PIK3AP1: variants seen among roughly 807,000 people sequenced by gnomAD.
PIK3AP1 encodes the protein phosphoinositide-3-kinase adaptor protein 1.
PIK3AP1 carries 21 observed loss-of-function variants against 88.1 expected under a neutral mutation model. The ratio of observed to expected loss-of-function variants is 0.24; its 90% confidence interval spans 0.17 to 0.34. The LOEUF (loss-of-function observed/expected upper bound fraction) is 0.34. PIK3AP1 is among the 10% of genes least tolerant of loss of function. The probability of loss-of-function intolerance (pLI) is 1.00; values close to 1 mark genes in which losing one functional copy is unlikely to be tolerated. For missense variants in PIK3AP1, 828 were observed against 1,035.7 expected, an observed-to-expected ratio of 0.80 and a Z score of 2.75; for synonymous variants, 398 against 400.0, an observed-to-expected ratio of 1.00 and a Z score of 0.06.
chr10:96,649,592 C>T (rs547811271), intron 6 of PIK3AP1, among the ~76,000 whole-genome samples: 1 of 152,318 alleles, frequency 6.6e-6, no homozygotes, highest in East Asian at 1.9e-4. Context: ...GCCCTTATTC[C>T]TAATTTCATG....
rs190345565 is a variant in PIK3AP1, at chr10:96,633,177, A to G, written c.1376-4684T>C. ...AGCCCAAAGAATGCTGTCCCTTTCA[A>G]GTATTTCTAGTTCCTGTACAGATCC... is the stretch of plus-strand genomic sequence containing the variant. On this transcript the variant is annotated intron_variant, in intron 8 of 16. Transcript: ENST00000339364. 1.6e-4 allele frequency: 189 copies of G among 1,199,668 alleles called. 3 individuals carry two copies. In the East Asian group the frequency reaches 4.9e-3, roughly 31 times the overall value. The allele number at this position is 1,199,668 out of a possible 1,614,324, so 74.3% of individuals were successfully genotyped here.
At position 96,720,248 on chromosome 10, in the gene PIK3AP1, G is replaced by A. The variant is rs1054197996; in HGVS notation, c.13+134C>T. 9 of 931,454 alleles carry A rather than the reference G, an allele frequency of 9.7e-6. No individual in the cohort carries two copies. The highest frequency in any genetic ancestry group is 6.8e-5 in the East Asian group (2 of 29,518). 57.7% of individuals were successfully genotyped at this position (931,454 alleles called of 1,614,324 possible). A position where few individuals can be genotyped will look rare whatever the true frequency, so the allele number is the denominator to read the frequency against. On this transcript the variant is annotated intron_variant, in intron 1 of 16. Coordinates refer to ENST00000339364, the MANE Select transcript of PIK3AP1 (RefSeq NM_152309.3). The surrounding 1 kb of genome is among the most constrained non-coding windows in gnomAD (Gnocchi z 4.6). ...TGGGAAGTTTGCGACAGGGAACATA[G>A]AAAAGAGCAGAAAGAGGGCAAGATC...
intron 2 of PIK3AP1, among the ~76,000 whole-genome samples, chr10:96,685,838 T>G (rs1163564850): frequency 6.6e-6 from 1 of 152,156 alleles, no homozygotes; most frequent in Admixed American, 6.5e-5. Context: ...TGTGTGCCCA[T>G]CCCTGCTGAG....
chr10:96,711,738 A>ATTTT (rs1564992486), intron 1 of PIK3AP1, among the ~76,000 whole-genome samples: 1 of 93,978 alleles, frequency 1.1e-5, no homozygotes, highest in East Asian at 3.2e-4. Context: ...GAGATTACCA[A>ATTTT]ATTTTTTTTT....
chr10:96,701,036 A>G, intron 2 of PIK3AP1: 1 of 232,392 alleles, frequency 4.3e-6, no homozygotes, highest in South Asian at 1.6e-4. Flanking sequence ...CCAGGCATGG[A>G]GCAAAGCTCA....
At chr10:96,635,643 G>A (rs1843302188) in intron 8 of PIK3AP1, among the ~76,000 whole-genome samples, 1 of 152,182 alleles carries the variant, frequency 6.6e-6, no homozygotes, top group African/African-American at 2.4e-5. Flanking sequence ...GCTGACTCAT[G>A]TCTGTAATCC....
At chr10:96,644,149 A>G (rs977421663) in intron 8 of PIK3AP1, among the ~76,000 whole-genome samples, 4 of 152,164 alleles carry the variant, frequency 2.6e-5, no homozygotes, top group Admixed American at 6.5e-5. Flanking sequence ...TGGAAAATCT[A>G]TGAGGGTATT....
At chr10:96,616,505 G>A in intron 13 of PIK3AP1, 134 bp downstream of exon 13, 2 of 868,746 alleles carry the variant, frequency 2.3e-6, no homozygotes, top group Admixed American at 2.1e-5. Context: ...TCTAGTGGGG[G>A]ACCCAGATCT....
chr10:96,595,624 T>C lies in PIK3AP1; in HGVS notation c.2371A>G (p.Arg791Gly). The C allele has an allele frequency of 1.2e-6, 2 of 1,613,266 alleles. No individual in the cohort carries two copies. Among genetic ancestry groups the C allele is most frequent in the African/African-American group, 1.3e-5 (1 of 75,042 alleles). Residue 791 changes from arginine to glycine, a missense_variant, in exon 17 of 17, where the codon AGG becomes GGG. Coordinates refer to ENST00000339364, the MANE Select transcript of PIK3AP1 (RefSeq NM_152309.3). Reference protein sequence around the residue: ...PRAASQRPPTRETFHPPPPVP... With the variant: ...PRAASQRPPTGETFHPPPPVP... ...GGTGGAGGAGGATGGAAGGTCTCCC[T>C]GGTCGGAGGCCTAAAATGAAAGATA...
chr10:96,633,033 G>A (rs780511096), intron 8 of PIK3AP1: 1 of 1,610,460 alleles, frequency 6.2e-7, no homozygotes, highest in Admixed American at 1.7e-5. Flanking sequence ...AAGATCCATA[G>A]CAGGCCACGC....
chr10:96,628,004 C>T lies in PIK3AP1; in HGVS notation c.1471+394G>A, dbSNP rs111904987. On this transcript the variant is annotated intron_variant, in intron 9 of 16. Coordinates refer to ENST00000339364, the MANE Select transcript of PIK3AP1 (RefSeq NM_152309.3). The stretch of plus-strand genomic sequence containing the variant: ...TATCTTTGTTTATATTTGCCTCCTT[C>T]ACCAGCAAGTAAAGTCTCCTGAGGG... Among the ~76,000 whole-genome samples, 1,430 of 152,280 alleles carry T rather than the reference C, an allele frequency of 9.4e-3. 23 individuals are homozygous for T. Among genetic ancestry groups the T allele is most frequent in the African/African-American group, 0.033 (1,360 of 41,556 alleles).
In PIK3AP1 at chr10:96,652,832, G is replaced by C. The variant is rs968318542; in HGVS notation, c.578C>G (p.Thr193Ser). 1.2e-6 allele frequency: 2 copies of C among 1,613,342 alleles called. No individual in the cohort carries two copies. Among genetic ancestry groups the C allele is most frequent in the African/African-American group, 2.7e-5 (2 of 74,892 alleles). The part of the protein sequence containing the change: ...PDRIRCGAET[T>S]VYVIVRCKLD... Reference sequence around the variant, plus strand: ...CTTACATCTCACAATAACATAGACAGTGGTTTCTGCCTGAAACGGGAAGCC... The same window carrying C: ...CTTACATCTCACAATAACATAGACACTGGTTTCTGCCTGAAACGGGAAGCC... Residue 193 changes from threonine (T) to serine (S), a missense_variant, in exon 4 of 17, where the codon ACT (threonine) becomes AGT (serine). Coordinates refer to ENST00000339364, the MANE Select transcript of PIK3AP1 (RefSeq NM_152309.3).
chr10:96,635,976 G>C (rs1357950331), intron 8 of PIK3AP1, among the ~76,000 whole-genome samples: 4 of 151,934 alleles, frequency 2.6e-5, no homozygotes, highest in African/African-American at 9.7e-5. Context: ...GGGAGGCCGA[G>C]GGGGGTGGAT....
intron 14 of PIK3AP1, among the ~76,000 whole-genome samples, chr10:96,606,101 A>T (rs984537542): frequency 6.6e-5 from 10 of 151,988 alleles, no homozygotes; most frequent in African/African-American, 2.4e-4. Context: ...AAACAAAAAC[A>T]AAAAGGAACA....
chr10:96,687,323 C>T (rs551681184), intron 2 of PIK3AP1, among the ~76,000 whole-genome samples: 44 of 150,044 alleles, frequency 2.9e-4, no homozygotes, highest in African/African-American at 1.0e-3. Flanking sequence ...GAATTGGAGC[C>T]TTCTTTGATT....
intron 2 of PIK3AP1, among the ~76,000 whole-genome samples, chr10:96,691,152 AGCCTT>A (rs1844149354): frequency 6.6e-6 from 1 of 152,186 alleles, no homozygotes; most frequent in African/African-American, 2.4e-5. Context: ...GCAATACATT[AGCCTT>A]TCAAAGCAGG....
At chr10:96,625,398 C>T (rs1843141287) in intron 10 of PIK3AP1, among the ~76,000 whole-genome samples, 1 of 152,182 alleles carries the variant, frequency 6.6e-6, no homozygotes, top group South Asian at 2.1e-4. Flanking sequence ...GTGTCTGCTG[C>T]TCATGCCAAG....
chr10:96,706,785 A>C (rs997987633), intron 2 of PIK3AP1, among the ~76,000 whole-genome samples: 2 of 152,060 alleles, frequency 1.3e-5, no homozygotes, highest in African/African-American at 4.8e-5. Flanking sequence ...CTTGTCCAGC[A>C]AAAAAAATCA....
chr10:96,627,003 G>A (rs12359595), intron 9 of PIK3AP1, 98 bp from the exon 10 acceptor site: 1 of 1,162,394 alleles, frequency 8.6e-7, no homozygotes. Flanking sequence ...TGTTTCCTCA[G>A]TGCTGCCCCC....
Sources: allele counts gnomAD v4.1 joint callset (sites outside exome capture counted in the v4.1 genomes callset), GRCh38; gene constraint gnomAD v4.1.1; non-coding constraint Gnocchi (gnomAD v3.1); transcripts MANE v1.5; gene names NCBI Gene and HGNC (gene_info 2026-07-23, HGNC 2026-07-21).